Variants in KLHL29 observed in about 807,000 individuals in gnomAD.
KLHL29 encodes the protein kelch-like protein 29.
Under a neutral mutation model 80.4 loss-of-function variants are expected in KLHL29, and 21 were observed. That is an observed-to-expected ratio of 0.26 (90% confidence interval 0.19 to 0.38). The LOEUF (loss-of-function observed/expected upper bound fraction) is 0.38. KLHL29 is among the 10% of genes least tolerant of loss of function. The pLI, the probability that KLHL29 is intolerant of heterozygous loss-of-function variation, is 1.00. For synonymous variants in KLHL29, 511 were observed against 526.8 expected (o/e 0.97, Z 0.41); for missense variants, 867 against 1,223.9 (o/e 0.71, Z 4.35).
At chr2:23,650,793 T>C (rs777521450) in intron 5 of KLHL29, among the ~76,000 whole-genome samples, 2 of 152,214 alleles carry the variant, frequency 1.3e-5, no homozygotes, top group Admixed American at 1.3e-4. Context: ...TGGCATCTGC[T>C]GTTTGTGCCA....
intron 2 of KLHL29, among the ~76,000 whole-genome samples, chr2:23,504,507 C>T (rs1331859244): frequency 1.3e-5 from 2 of 152,112 alleles, no homozygotes; most frequent in African/African-American, 2.4e-5. Flanking sequence ...CCCGGGGCCT[C>T]CCTAGGGTTT....
At chr2:23,663,619 C>T (rs72792090) in intron 5 of KLHL29, among the ~76,000 whole-genome samples, 2,057 of 152,328 alleles carry the variant, frequency 0.014, 27 homozygotes, top group Non-Finnish European at 0.023. Context: ...CTTTTGATTT[C>T]CGGAGTGATA....
At chr2:23,660,547 C>G (rs1423529888) in intron 5 of KLHL29, among the ~76,000 whole-genome samples, 1 of 152,254 alleles carries the variant, frequency 6.6e-6, no homozygotes, top group African/African-American at 2.4e-5. Flanking sequence ...GGGGAACACT[C>G]TGTCCCAACA....
intron 1 of KLHL29, among the ~76,000 whole-genome samples, chr2:23,431,045 G>A (rs1362395595): frequency 1.3e-5 from 2 of 152,216 alleles, no homozygotes; most frequent in Non-Finnish European, 2.9e-5. Context: ...TCTCCGTGCT[G>A]TGCAGCCTGG....
In KLHL29 at chr2:23,706,852, G is replaced by A. The variant is rs1672757927; in HGVS notation, c.*188G>A. On this transcript the variant is annotated 3_prime_UTR_variant, in exon 14 of 14. Coordinates refer to ENST00000486442, the MANE Select transcript of KLHL29 (RefSeq NM_052920.2). ...ATCCTCGCCTTTGGATGAAACGGAG[G>A]CACCGCGCTTGGAGCCGCAGGAACC... 2 of 521,120 alleles carry A rather than the reference G, an allele frequency of 3.8e-6. No homozygotes were observed. Among genetic ancestry groups the A allele is most frequent in the African/African-American group, 2.0e-5 (1 of 50,750 alleles). The allele number at this position is 521,120 out of a possible 1,614,324, so 32.3% of individuals were successfully genotyped here. A position where few individuals can be genotyped will look rare whatever the true frequency, so the allele number is the denominator to read the frequency against.
At chr2:23,441,253 C>T (rs1045632474) in intron 1 of KLHL29, among the ~76,000 whole-genome samples, 1 of 145,738 alleles carries the variant, frequency 6.9e-6, no homozygotes, top group Admixed American at 7.3e-5. Flanking sequence ...ACCGCATGTT[C>T]TCACTCATAG....
chr2:23,544,028 G>A (rs1157538508), intron 2 of KLHL29, among the ~76,000 whole-genome samples: 3 of 152,194 alleles, frequency 2.0e-5, no homozygotes, highest in Non-Finnish European at 2.9e-5. Context: ...CCCCATGGCC[G>A]CTGGCAAAAG....
chr2:23,487,327 C>T (rs932433510), intron 2 of KLHL29, among the ~76,000 whole-genome samples: 4 of 152,234 alleles, frequency 2.6e-5, no homozygotes, highest in South Asian at 2.1e-4. Context: ...AAACCAAGGA[C>T]GCTGGAGAGA....
At chr2:23,556,442 C>T (rs1176595304) in intron 2 of KLHL29, among the ~76,000 whole-genome samples, 1 of 151,138 alleles carries the variant, frequency 6.6e-6, no homozygotes, top group African/African-American at 2.4e-5. Context: ...AGTTTGAGAC[C>T]AACCTGGCCA....
At chr2:23,431,152 T>C (rs1164485352) in intron 1 of KLHL29, among the ~76,000 whole-genome samples, 1 of 152,210 alleles carries the variant, frequency 6.6e-6, no homozygotes, top group Non-Finnish European at 1.5e-5. Flanking sequence ...CTGTGTCCCA[T>C]TCCAGACATT....
At chr2:23,452,633 C>T (rs1663914791) in intron 1 of KLHL29, among the ~76,000 whole-genome samples, 2 of 152,198 alleles carry the variant, frequency 1.3e-5, no homozygotes, top group South Asian at 4.1e-4. Flanking sequence ...AGCATAATCA[C>T]AGCCCTCGTT....
In KLHL29 at chr2:23,642,269, C is replaced by G. The variant is rs3806509; in HGVS notation, c.428-69C>G. The G allele has an allele frequency of 5.9e-6, 8 of 1,352,348 alleles. No individual in the cohort carries two copies. In the African/African-American group the frequency reaches 1.2e-4, roughly 20 times the overall value. The allele number at this position is 1,352,348 out of a possible 1,614,324, so 83.8% of individuals were successfully genotyped here. On this transcript the variant is annotated intron_variant, in intron 4 of 13. Coordinates refer to ENST00000486442, the MANE Select transcript of KLHL29 (RefSeq NM_052920.2). ...TGTGACCTAGCACCCAGTGCAGGGC[C>G]GGGGATGGTCAGTGTTTGTTGAATG...
At chr2:23,472,432 A>T (rs368194199) in intron 1 of KLHL29, among the ~76,000 whole-genome samples, 1 of 152,134 alleles carries the variant, frequency 6.6e-6, no homozygotes, top group Non-Finnish European at 1.5e-5. Context: ...TCAGAAGATC[A>T]AGACCATCCT....
At position 23,696,211 on chromosome 2, in the gene KLHL29, G is replaced by C; in HGVS notation, c.1924+78G>C. ...TGCTCCCCACGTCAGGGCTGAGGAA[G>C]GCCATGGCCCAGAAGTGTCTACTTT... On this transcript the variant is annotated intron_variant, in intron 10 of 13. Transcript: ENST00000486442. This position sits in a 1 kb window ranked among gnomAD's most constrained non-coding sequence, Gnocchi z 5.5. The C allele has an allele frequency of 6.7e-7, 1 of 1,495,236 alleles. No individual in the cohort carries two copies. The highest frequency in any genetic ancestry group is 9.0e-7 in the Non-Finnish European group (1 of 1,106,268). The allele number at this position is 1,495,236 out of a possible 1,614,324, so 92.6% of individuals were successfully genotyped here.
At position 23,525,294 on chromosome 2, in the gene KLHL29, G is replaced by A. The variant is rs375369247; in HGVS notation, c.-45-36858G>A. Among the ~76,000 whole-genome samples the A allele has an allele frequency of 9.2e-5, 14 of 152,372 alleles. No individual in the cohort carries two copies. In the East Asian group the frequency reaches 1.2e-3, roughly 13 times the overall value. On this transcript the variant is annotated intron_variant, in intron 2 of 13. Coordinates refer to ENST00000486442, the MANE Select transcript of KLHL29 (RefSeq NM_052920.2). ...GCCCACTGCCTGTCCCTGAGCCTGC[G>A]GGACTGGGAGGGCAGAGGACACTTC...
At chr2:23,635,186 C>T (rs1669576239) in intron 3 of KLHL29, among the ~76,000 whole-genome samples, 1 of 152,224 alleles carries the variant, frequency 6.6e-6, no homozygotes, top group Non-Finnish European at 1.5e-5. Context: ...TAGCAAAAGC[C>T]TCTCGGGGCT....
chr2:23,565,354 G>A (rs1477252506), intron 3 of KLHL29, among the ~76,000 whole-genome samples: 2 of 152,126 alleles, frequency 1.3e-5, no homozygotes, highest in Non-Finnish European at 2.9e-5. Flanking sequence ...GTGAATCGCC[G>A]TGCCCAGCCT....
chr2:23,585,012 A>G (rs1452284455), intron 3 of KLHL29, among the ~76,000 whole-genome samples: 2 of 152,262 alleles, frequency 1.3e-5, no homozygotes, highest in Non-Finnish European at 2.9e-5. Context: ...CTGGGATTAC[A>G]GGCATGAACC....
At chr2:23,508,767 A>G (rs2103460320) in intron 2 of KLHL29, among the ~76,000 whole-genome samples, 1 of 152,340 alleles carries the variant, frequency 6.6e-6, no homozygotes. Flanking sequence ...TGTGGACTCA[A>G]TACAGGCAAT....
Sources: allele counts gnomAD v4.1 joint callset (sites outside exome capture counted in the v4.1 genomes callset), GRCh38; gene constraint gnomAD v4.1.1; non-coding constraint Gnocchi (gnomAD v3.1); transcripts MANE v1.5; gene names NCBI Gene and HGNC (gene_info 2026-07-23, HGNC 2026-07-21).